Variants in GASK1B observed in about 807,000 individuals in gnomAD.
The protein encoded by GASK1B is golgi associated kinase 1B.
Under a neutral mutation model 42.8 loss-of-function variants are expected in GASK1B, and 34 were observed. The ratio of observed to expected loss-of-function variants is 0.79; its 90% CI spans 0.60 to 1.06. The LOEUF (loss-of-function observed/expected upper bound fraction) is 1.06. Among genes scored for constraint, GASK1B ranks in the 50% least tolerant of loss-of-function variants. GASK1B has a pLI of 0.00. For synonymous variants in GASK1B, 262 were observed against 259.1 expected, an observed-to-expected ratio of 1.01 and a Z score of -0.11; for missense variants, 686 against 661.0, an observed-to-expected ratio of 1.04 and a Z score of -0.42.
chr4:158,129,245 T>G (rs1247158241), intron 4 of GASK1B, among the ~76,000 whole-genome samples: 1 of 152,198 alleles, frequency 6.6e-6, no homozygotes, highest in Non-Finnish European at 1.5e-5. Flanking sequence ...ATGTATGAAA[T>G]GGATGGACTG....
chr4:158,131,612 G>A (rs1426586393), intron 3 of GASK1B, among the ~76,000 whole-genome samples: 1 of 152,170 alleles, frequency 6.6e-6, no homozygotes, highest in Admixed American at 6.5e-5. Flanking sequence ...GCCTACTGAA[G>A]TTTATTATGG....
rs547408108 is a variant in GASK1B, at chr4:158,171,188, C to G, written c.188G>C (p.Gly63Ala). ...ATGTGGCCCCTTCTCAGCCGCCTGT[C>G]CATGCTGGAGAGAGGCCCTCCCCAC... is the stretch of plus-strand genomic sequence containing the variant. ...SQVGRASLQH[G>A]QAAEKGPHRS... The change falls in exon 2 of 5, where the codon GGA (glycine) becomes GCA (alanine). Residue 63 changes from glycine to alanine, a missense_variant. Coordinates refer to ENST00000585682, the MANE Select transcript of GASK1B (RefSeq NM_001128424.2). 1.5e-5 allele frequency: 24 copies of G among 1,613,116 alleles called. 1 individual carries two copies. In the African/African-American group the frequency reaches 2.3e-4, roughly 15 times the overall value.
At chr4:158,158,028 G>C (rs553442597) in intron 2 of GASK1B, among the ~76,000 whole-genome samples, 2 of 152,012 alleles carry the variant, frequency 1.3e-5, no homozygotes, top group South Asian at 4.1e-4. Flanking sequence ...ACTGCTTCTA[G>C]AATTTTTTTT....
At chr4:158,140,102 T>C (rs147224334) in intron 3 of GASK1B, among the ~76,000 whole-genome samples, 44 of 152,340 alleles carry the variant, frequency 2.9e-4, no homozygotes, top group East Asian at 1.5e-3. Flanking sequence ...CCTGCCTTTA[T>C]TCATGCTAAA....
intron 3 of GASK1B, among the ~76,000 whole-genome samples, chr4:158,149,694 A>G (rs1040690651): frequency 2.6e-5 from 4 of 152,106 alleles, no homozygotes; most frequent in African/African-American, 9.7e-5. Flanking sequence ...ACTTTCATTC[A>G]TTCTCCACTT....
intron 3 of GASK1B, among the ~76,000 whole-genome samples, chr4:158,148,798 G>A (rs1486708137): frequency 3.3e-5 from 5 of 152,152 alleles, no homozygotes; most frequent in African/African-American, 7.2e-5. Context: ...GTTCAGATTC[G>A]TCCTCAAGAC....
chr4:158,152,611 A>C (rs1731600764), intron 3 of GASK1B, among the ~76,000 whole-genome samples: 1 of 152,182 alleles, frequency 6.6e-6, no homozygotes, highest in African/African-American at 2.4e-5. Flanking sequence ...ACAAAATACT[A>C]GCTAAACCAA....
chr4:158,171,152 T>C lies in GASK1B; in HGVS notation c.224A>G (p.Asp75Gly), dbSNP rs763757253. 6.2e-7 allele frequency: 1 copy of C among 1,608,254 alleles called. No homozygotes were observed. The highest frequency in any genetic ancestry group is 1.1e-5 in the South Asian group (1 of 90,710). ...CTCAGGGAAGGATGGCTCGGCGGTG[T>C]CGCGGCTGCGATGTGGCCCCTTCTC... The part of the protein sequence containing the change: ...AAEKGPHRSR[D>G]TAEPSFPEIP... Residue 75 changes from aspartate (D) to glycine (G), a missense_variant, in exon 2 of 5, where the codon GAC becomes GGC. Coordinates refer to ENST00000585682, the MANE Select transcript of GASK1B (RefSeq NM_001128424.2).
At chr4:158,155,874 G>A (rs1560788580) in intron 2 of GASK1B, 49 bp from the exon 3 acceptor site, 2 of 1,538,408 alleles carry the variant, frequency 1.3e-6, no homozygotes, top group Middle Eastern at 1.8e-4. Context: ...ATTGACTCAG[G>A]GTGTGTCTTT....
chr4:158,160,116 A>T (rs1731914259), intron 2 of GASK1B, among the ~76,000 whole-genome samples: 1 of 152,192 alleles, frequency 6.6e-6, no homozygotes, highest in Admixed American at 6.5e-5. Flanking sequence ...CCTTCATTAA[A>T]AACAACTCTA....
At chr4:158,155,942 A>G (rs920364213) in intron 2 of GASK1B, 117 bp from the exon 3 acceptor site, 2 of 747,588 alleles carry the variant, frequency 2.7e-6, no homozygotes, top group Non-Finnish European at 4.4e-6. Context: ...TGAGAGTTTA[A>G]TCTGACAATA....
At chr4:158,167,893 G>A (rs2111022146) in intron 2 of GASK1B, among the ~76,000 whole-genome samples, 1 of 152,218 alleles carries the variant, frequency 6.6e-6, no homozygotes, top group Non-Finnish European at 1.5e-5. Flanking sequence ...GTGGAAATCA[G>A]GGAAGAAAGA....
chr4:158,142,066 T>C (rs557650464), intron 3 of GASK1B, among the ~76,000 whole-genome samples: 2 of 147,674 alleles, frequency 1.4e-5, no homozygotes, highest in Non-Finnish European at 3.0e-5. Context: ...TGCCTCAGCC[T>C]CCCGAGTAGC....
At chr4:158,160,338 A>G (rs1731925936) in intron 2 of GASK1B, among the ~76,000 whole-genome samples, 1 of 152,170 alleles carries the variant, frequency 6.6e-6, no homozygotes, top group Non-Finnish European at 1.5e-5. Flanking sequence ...CATAGATTTT[A>G]TATGGCCAAA....
chr4:158,159,804 A>G (rs1172808986), intron 2 of GASK1B: 1 of 173,706 alleles, frequency 5.8e-6, no homozygotes, highest in Non-Finnish European at 1.2e-5. Flanking sequence ...AAGCACAAAG[A>G]AGACATTCTT....
At position 158,127,588 on chromosome 4, in the gene GASK1B, A is replaced by C; in HGVS notation, c.1379T>G (p.Leu460Trp). The change falls in exon 5 of 5, where the codon TTG becomes TGG. Residue 460 changes from leucine (L) to tryptophan (W), a missense_variant. Transcript: ENST00000585682. ...KEFPASAVSV[L>W]KSQHLRQKLL... Reference sequence around the variant, plus strand: ...TTTCTGCCGTAAGTGCTGGCTCTTCAAAACAGAAACTGCAGAAGCTGGAAA... The same window carrying C: ...TTTCTGCCGTAAGTGCTGGCTCTTCCAAACAGAAACTGCAGAAGCTGGAAA... 6.2e-7 allele frequency: 1 copy of C among 1,613,306 alleles called. No individual in the cohort carries two copies. The highest frequency in any genetic ancestry group is 8.5e-7 in the Non-Finnish European group (1 of 1,179,674).
chr4:158,162,784 G>A (rs901168357), intron 2 of GASK1B, among the ~76,000 whole-genome samples: 8 of 152,184 alleles, frequency 5.3e-5, no homozygotes, highest in Admixed American at 2.6e-4. Flanking sequence ...CAGGCGACAA[G>A]GCAATGGGAA....
At chr4:158,139,291 C>T (rs72691648) in intron 3 of GASK1B, among the ~76,000 whole-genome samples, 8,601 of 152,232 alleles carry the variant, frequency 0.056, 344 homozygotes, top group Non-Finnish European at 0.081. Context: ...ATACTTTATA[C>T]AGTGCAGGTA....
At chr4:158,131,745 C>A (rs1579007423) in intron 3 of GASK1B, among the ~76,000 whole-genome samples, 1 of 152,284 alleles carries the variant, frequency 6.6e-6, no homozygotes, top group African/African-American at 2.4e-5. Flanking sequence ...AAAATAAAGC[C>A]TGGGCAAAGG....
Sources: gnomAD v4.1 joint callset for allele counts (sites outside exome capture counted in the v4.1 genomes callset) on GRCh38, gnomAD v4.1.1 for gene constraint, MANE v1.5 for transcripts, NCBI Gene and HGNC (gene_info 2026-07-23, HGNC 2026-07-21) for gene names.